The following PAICS variants were observed in gnomAD, a reference collection of about 807,000 sequenced individuals.
The protein encoded by PAICS is phosphoribosylaminoimidazole carboxylase and phosphoribosylaminoimidazolesuccinocarboxamide synthase, also known as bifunctional phosphoribosylaminoimidazole carboxylase/phosphoribosylaminoimidazole succinocarboxamide synthetase.
A neutral mutation model predicts 53.7 loss-of-function variants in PAICS; 33 were observed. That is an observed-to-expected ratio of 0.61 (90% CI 0.47 to 0.82). PAICS has a LOEUF of 0.82. PAICS is among the 40% of genes least tolerant of loss of function. The pLI, the probability that PAICS is intolerant of heterozygous loss-of-function variation, is 0.00. For missense variants in PAICS, 394 were observed against 494.1 expected, an observed-to-expected ratio of 0.80 and a Z score of 1.92; for synonymous variants, 141 against 167.2, an observed-to-expected ratio of 0.84 and a Z score of 1.21.
In PAICS at chr4:56,453,812, T is replaced by C. The variant is rs142318175; in HGVS notation, c.1111+51T>C. ...CTGTTCATTACAAGCATTTAACAGA[T>C]GCACAACAGTAGACAGAATAGCATA... On this transcript the variant is annotated intron_variant, in intron 8 of 8. Coordinates refer to ENST00000512576, the MANE Select transcript of PAICS (RefSeq NM_001079524.2). The C allele has an allele frequency of 2.8e-4, 356 of 1,282,706 alleles. No homozygotes were observed. The African/African-American group carries it at 4.9e-3, about 18-fold the overall frequency. 79.5% of individuals were successfully genotyped at this position (1,282,706 alleles called of 1,614,324 possible).
upstream of PAICS, among the ~76,000 whole-genome samples, chr4:56,432,419 T>C (rs1211215709): frequency 6.7e-6 from 1 of 150,326 alleles, no homozygotes; most frequent in Non-Finnish European, 1.5e-5. Context: ...TCCCAGCTAC[T>C]CGGGAGACAG....
chr4:56,444,411 C>A (rs4383672), intron 2 of PAICS, among the ~76,000 whole-genome samples: 46,180 of 151,874 alleles, frequency 0.3, 7,536 homozygotes, highest in East Asian at 0.47. Context: ...AAGTGTAATA[C>A]TAGTATATGA....
chr4:56,446,748 C>T lies in PAICS; in HGVS notation c.268C>T (p.Gln90Ter). 6.2e-7 allele frequency: 1 copy of T among 1,605,254 alleles called. No individual in the cohort carries two copies. Among genetic ancestry groups the T allele is most frequent in the Non-Finnish European group, 8.5e-7 (1 of 1,174,654 alleles). ...TGGGGAGACAGCTTTCATTGCACCG[C>T]AGTGTGAAATGATTCCAATTGAATG... ...KCGETAFIAP[Q>*]CEMIPIEWVC... The change falls in exon 3 of 9, where the codon CAG becomes TAG. Residue 90 changes from glutamine (Q) to a stop codon, truncating the protein, a stop_gained. Coordinates refer to ENST00000512576, the MANE Select transcript of PAICS (RefSeq NM_001079524.2). LOFTEE classifies it high-confidence loss of function.
At chr4:56,429,922 G>C in the PAICS span, among the ~76,000 whole-genome samples, 4 of 151,996 alleles carry the variant, frequency 2.6e-5, no homozygotes, top group Non-Finnish European at 2.9e-5. Context: ...ACTCACAACA[G>C]TAGTCTGTTA....
chr4:56,436,628 CA>C (rs1717987948), intron 1 of PAICS: 3 of 656,014 alleles, frequency 4.6e-6, no homozygotes, highest in Admixed American at 4.1e-5. Context: ...CTTGATTCGT[CA>C]AAACCTGAGT....
At chr4:56,412,163 A>T in the PAICS span, among the ~76,000 whole-genome samples, 1 of 152,118 alleles carries the variant, frequency 6.6e-6, no homozygotes, top group African/African-American at 2.4e-5. Context: ...TCTTAAAGGG[A>T]TCTTCAGCGC....
intron 5 of PAICS, among the ~76,000 whole-genome samples, chr4:56,449,844 T>C (rs1028523871): frequency 2.1e-5 from 3 of 145,238 alleles, no homozygotes; most frequent in Non-Finnish European, 4.5e-5. Flanking sequence ...GGCATGGTGG[T>C]GGGCACCTGT....
chr4:56,452,575 A>G (rs1299923706), intron 7 of PAICS, among the ~76,000 whole-genome samples: 1 of 152,226 alleles, frequency 6.6e-6, no homozygotes, highest in African/African-American at 2.4e-5. Flanking sequence ...AAGTATGAAA[A>G]GAAAACAAAG....
At chr4:56,437,020 C>T (rs1376550620) in intron 1 of PAICS, among the ~76,000 whole-genome samples, 1 of 151,982 alleles carries the variant, frequency 6.6e-6, no homozygotes, top group Non-Finnish European at 1.5e-5. Context: ...AAAAACCTGT[C>T]TAGGGGGCGT....
At chr4:56,455,144 C>T (rs565265358) in intron 8 of PAICS, among the ~76,000 whole-genome samples, 8 of 152,120 alleles carry the variant, frequency 5.3e-5, no homozygotes, top group East Asian at 1.9e-4. Flanking sequence ...GAGTGAGACT[C>T]GGTCTCAAAA....
the PAICS span, among the ~76,000 whole-genome samples, chr4:56,413,150 G>GTCTT: frequency 0.34 from 50,970 of 150,908 alleles, 9,128 homozygotes; most frequent in Non-Finnish European, 0.41. Flanking sequence ...TCTTGTTTTT[G>GTCTT]GTTTTTGGTT....
At chr4:56,454,498 G>T (rs1388651231) in intron 8 of PAICS, among the ~76,000 whole-genome samples, 3 of 152,074 alleles carry the variant, frequency 2.0e-5, no homozygotes, top group African/African-American at 7.2e-5. Context: ...AGTTTCTTAA[G>T]GTATAATTTT....
upstream of PAICS, among the ~76,000 whole-genome samples, chr4:56,434,222 A>C (rs1017550450): frequency 3.9e-5 from 6 of 152,232 alleles, no homozygotes; most frequent in African/African-American, 1.4e-4. Flanking sequence ...AACACACAAA[A>C]TGTGAAACTG....
chr4:56,427,627 T>C, the PAICS span, among the ~76,000 whole-genome samples: 1,199 of 143,532 alleles, frequency 8.4e-3, 6 homozygotes, highest in Middle Eastern at 0.018. Flanking sequence ...GGCAACATAG[T>C]GAGACCCTGT....
intron 2 of PAICS, among the ~76,000 whole-genome samples, chr4:56,442,770 T>C (rs545693516): frequency 3.9e-4 from 60 of 152,372 alleles, no homozygotes; most frequent in Non-Finnish European, 7.2e-4. Context: ...GCACTAATCT[T>C]TCTTAAATTC....
Position 56,436,336 on chromosome 4 carries a change from A to C in PAICS, c.16+8A>C, listed in dbSNP as rs761733180. The C allele has an allele frequency of 1.4e-5, 23 of 1,589,800 alleles. No homozygotes were observed. The highest frequency in any genetic ancestry group is 1.8e-5 in the Non-Finnish European group (21 of 1,164,116). On this transcript the variant is annotated splice_region_variant and intron_variant, in intron 1 of 8. Coordinates refer to ENST00000512576, the MANE Select transcript of PAICS (RefSeq NM_001079524.2). ...TAATGGCGACAGCTGAGGGTGAGTA[A>C]CAGGGATCCGGGCCCTTCACGGTCT...
chr4:56,461,388 C>T lies in PAICS; in HGVS notation c.*1850C>T, dbSNP rs1234575070. ...TTTGGTTTCATGGTCTCTGAAGTCA[C>T]TGACTGCTATTTCAGCTTGTTTACC... is the stretch of plus-strand genomic sequence containing the variant. On this transcript the variant is annotated 3_prime_UTR_variant, in exon 9 of 9. Coordinates refer to ENST00000512576, the MANE Select transcript of PAICS (RefSeq NM_001079524.2). 4 of 152,236 alleles carry T rather than the reference C, an allele frequency of 2.6e-5. No homozygotes were observed. The East Asian group carries it at 7.7e-4, about 29-fold the overall frequency. 9.4% of individuals were successfully genotyped at this position (152,236 alleles called of 1,614,324 possible). A position where few individuals can be genotyped will look rare whatever the true frequency, so the allele number is the denominator to read the frequency against.
rs1719559482 is a variant in PAICS, at chr4:56,462,766, C to A, written c.*3228C>A. On this transcript the variant is annotated 3_prime_UTR_variant, in exon 9 of 9. Coordinates refer to ENST00000512576, the MANE Select transcript of PAICS (RefSeq NM_001079524.2). Reference sequence around the variant, plus strand: ...CTGTAATCCCAGCACTTTGGGTGGCCGAGGCAGGTGGATCACCTGAGATCA... The same window carrying A: ...CTGTAATCCCAGCACTTTGGGTGGCAGAGGCAGGTGGATCACCTGAGATCA... 1 of 151,874 alleles carries A rather than the reference C, an allele frequency of 6.6e-6. No homozygotes were observed. Among genetic ancestry groups the A allele is most frequent in the Non-Finnish European group, 1.5e-5 (1 of 67,990 alleles). 9.4% of individuals were successfully genotyped at this position (151,874 alleles called of 1,614,324 possible).
chr4:56,425,794 T>C, the PAICS span, among the ~76,000 whole-genome samples: 6 of 152,120 alleles, frequency 3.9e-5, no homozygotes, highest in African/African-American at 1.4e-4. Flanking sequence ...GGAGGTTGAG[T>C]TCCATCTTGC....
Sources: allele counts gnomAD v4.1 joint callset (sites outside exome capture counted in the v4.1 genomes callset), GRCh38; gene constraint gnomAD v4.1.1; transcripts MANE v1.5; gene names NCBI Gene and HGNC (gene_info 2026-07-23, HGNC 2026-07-21).